NBEA: variants seen among roughly 807,000 people sequenced by gnomAD.
NBEA encodes the protein lysosomal-trafficking regulator 2.
NBEA carries 44 observed loss-of-function variants against 343.4 expected under a neutral mutation model. That is an observed-to-expected ratio of 0.13 (90% CI 0.10 to 0.16). The LOEUF (loss-of-function observed/expected upper bound fraction) is 0.16. Among genes scored for constraint, NBEA ranks in the 10% least tolerant of loss-of-function variants. The pLI is 1.00. For synonymous variants in NBEA, 1,175 were observed against 1,238.7 expected (o/e 0.95, Z 1.08); for missense variants, 2,555 against 3,631.3 (o/e 0.70, Z 7.62).
In NBEA at chr13:35,214,437, G is replaced by A. The variant is rs573571734; in HGVS notation, c.5648+3258G>A. Among the ~76,000 whole-genome samples, 20 of 151,714 alleles carry A rather than the reference G, an allele frequency of 1.3e-4. No individual in the cohort carries two copies. The South Asian group carries it at 4.0e-3, about 30-fold the overall frequency. On this transcript the variant is annotated intron_variant, in intron 33 of 58. Coordinates refer to ENST00000379939, the MANE Select transcript of NBEA (RefSeq NM_001385012.1). ...TCAGTCTTTTTAAGACTTTATAATG[G>A]GTGGGTAACCATATCTCATTTGGTT...
Position 35,160,172 on chromosome 13 carries a change from T to C in NBEA, c.3861+140T>C, listed in dbSNP as rs1038013219. 1.8e-5 allele frequency: 14 copies of C among 793,066 alleles called. No individual in the cohort carries two copies. In the African/African-American group the frequency reaches 2.1e-4, roughly 12 times the overall value. 49.1% of individuals were successfully genotyped at this position (793,066 alleles called of 1,614,324 possible). A position where few individuals can be genotyped will look rare whatever the true frequency, so the allele number is the denominator to read the frequency against. On this transcript the variant is annotated intron_variant, in intron 22 of 58. Coordinates refer to ENST00000379939, the MANE Select transcript of NBEA (RefSeq NM_001385012.1). Reference sequence around the variant, plus strand: ...AATAGTAATTTATGGAACTAAATAGTGCGGTATAATTTCATGTATGTAAGA... The same window carrying C: ...AATAGTAATTTATGGAACTAAATAGCGCGGTATAATTTCATGTATGTAAGA...
chr13:35,550,626 T>G (rs1302982072), intron 42 of NBEA, 32 bp downstream of exon 42: 6 of 1,351,786 alleles, frequency 4.4e-6, no homozygotes, highest in Non-Finnish European at 6.3e-6. Flanking sequence ...AAAGAAAATG[T>G]GCTCATATTT....
At chr13:35,353,713 A>G (rs2040333239) in intron 38 of NBEA, among the ~76,000 whole-genome samples, 1 of 152,142 alleles carries the variant, frequency 6.6e-6, no homozygotes, top group South Asian at 2.1e-4. Context: ...GAACATCTTT[A>G]TTAAGGGTGA....
intron 38 of NBEA, among the ~76,000 whole-genome samples, chr13:35,388,660 G>A (rs150227022): frequency 1.4e-3 from 209 of 152,242 alleles, no homozygotes; most frequent in African/African-American, 4.9e-3. Context: ...GCTGTGAAGG[G>A]TTTGGATAAA....
chr13:35,171,201 T>C, intron 25 of NBEA, 71 bp from the exon 26 acceptor site: 3 of 1,051,826 alleles, frequency 2.9e-6, no homozygotes, highest in Non-Finnish European at 4.3e-6. Flanking sequence ...ACTTGTAGTA[T>C]GTATGTATAT....
intron 47 of NBEA, among the ~76,000 whole-genome samples, chr13:35,594,065 T>G (rs1212329298): frequency 1.3e-5 from 2 of 152,102 alleles, no homozygotes; most frequent in African/African-American, 4.8e-5. Context: ...TTATATGGGC[T>G]CCTATTTTAA....
intron 29 of NBEA, 58 bp downstream of exon 29, chr13:35,182,586 C>G: frequency 6.8e-7 from 1 of 1,464,616 alleles, no homozygotes; most frequent in Non-Finnish European, 9.3e-7. Context: ...CTTTTTTTCA[C>G]CTTTACATCT....
intron 38 of NBEA, among the ~76,000 whole-genome samples, chr13:35,429,050 G>A (rs1293801729): frequency 6.6e-6 from 1 of 152,196 alleles, no homozygotes; most frequent in Non-Finnish European, 1.5e-5. Context: ...TTTGTCAGCA[G>A]TGAAAGTCCT....
intron 17 of NBEA, among the ~76,000 whole-genome samples, chr13:35,139,751 T>TTTTTTG (rs895182589): frequency 1.4e-5 from 2 of 140,742 alleles, no homozygotes; most frequent in African/African-American, 2.7e-5. Flanking sequence ...GGCGTTTTTT[T>TTTTTTG]TTTTTTTTTT....
At chr13:35,375,287 A>T (rs575969279) in intron 38 of NBEA, among the ~76,000 whole-genome samples, 1 of 152,240 alleles carries the variant, frequency 6.6e-6, no homozygotes, top group East Asian at 1.9e-4. Context: ...AGCCTAAAAC[A>T]TCTATTTTAT....
intron 34 of NBEA, among the ~76,000 whole-genome samples, chr13:35,276,100 A>G (rs1029998797): frequency 2.6e-5 from 4 of 152,188 alleles, no homozygotes; most frequent in African/African-American, 2.4e-5. Flanking sequence ...TAGTCAGTAT[A>G]AGATGACTTT....
intron 38 of NBEA, among the ~76,000 whole-genome samples, chr13:35,414,632 G>A (rs1368787778): frequency 6.6e-6 from 1 of 152,090 alleles, no homozygotes; most frequent in African/African-American, 2.4e-5. Flanking sequence ...GTCTATCATT[G>A]ATGGACATTT....
chr13:35,476,620 G>T, intron 41 of NBEA: 1 of 498,882 alleles, frequency 2.0e-6, no homozygotes, highest in Non-Finnish European at 3.7e-6. Context: ...TGGAGGAAAA[G>T]TGTGCTGAGT....
At chr13:35,334,630 TC>T (rs1311294043) in intron 36 of NBEA, among the ~76,000 whole-genome samples, 2 of 152,154 alleles carry the variant, frequency 1.3e-5, no homozygotes, top group African/African-American at 4.8e-5. Flanking sequence ...CTGTTGATAT[TC>T]CTGTTTGCCA....
At chr13:35,382,285 T>A (rs543811931) in intron 38 of NBEA, among the ~76,000 whole-genome samples, 9 of 152,274 alleles carry the variant, frequency 5.9e-5, no homozygotes, top group African/African-American at 2.2e-4. Flanking sequence ...AAGAGGCAAA[T>A]GGCCACAGAT....
At chr13:35,452,025 T>G in intron 39 of NBEA, 67 bp from the exon 40 acceptor site, 1 of 1,126,176 alleles carries the variant, frequency 8.9e-7, no homozygotes, top group South Asian at 1.4e-5. Context: ...AATCAATTAT[T>G]TATAATACCT....
intron 34 of NBEA, among the ~76,000 whole-genome samples, chr13:35,242,093 C>G (rs1339703875): frequency 6.6e-6 from 1 of 151,936 alleles, no homozygotes; most frequent in Non-Finnish European, 1.5e-5. Context: ...CGGCCTCTGA[C>G]TTCTTTTAAA....
chr13:35,041,730 G>C (rs1230463002), intron 2 of NBEA, among the ~76,000 whole-genome samples: 1 of 151,824 alleles, frequency 6.6e-6, no homozygotes, highest in East Asian at 1.9e-4. Flanking sequence ...CTAATGTTTT[G>C]CTTGTTTGGG....
chr13:35,423,466 G>C (rs1041797242), intron 38 of NBEA, among the ~76,000 whole-genome samples: 3 of 152,092 alleles, frequency 2.0e-5, no homozygotes, highest in Admixed American at 6.6e-5. Flanking sequence ...TTGTAGATAT[G>C]CGTCATTATT....
Sources: gnomAD v4.1 joint callset for allele counts (sites outside exome capture counted in the v4.1 genomes callset) on GRCh38, gnomAD v4.1.1 for gene constraint, MANE v1.5 for transcripts, NCBI Gene and HGNC (gene_info 2026-07-23, HGNC 2026-07-21) for gene names.